The following CHN2 variants were observed in gnomAD, a reference collection of about 807,000 sequenced individuals.
CHN2 encodes beta-chimaerin.
A neutral mutation model predicts 56.3 loss-of-function variants in CHN2; 35 were observed. That is an observed-to-expected ratio of 0.62 (90% CI 0.47 to 0.82). The LOEUF (loss-of-function observed/expected upper bound fraction) is 0.82, where lower values mean the gene tolerates loss of function less well. Among genes scored for constraint, CHN2 ranks in the 40% least tolerant of loss-of-function variants. The pLI, the probability that CHN2 is intolerant of heterozygous loss-of-function variation, is 0.00. For synonymous variants in CHN2, 210 were observed against 212.8 expected (o/e 0.99, Z 0.12); for missense variants, 491 against 580.5 (o/e 0.85, Z 1.58).
chr7:29,493,421 TATC>T (rs1788877929), intron 7 of CHN2, among the ~76,000 whole-genome samples: 1 of 152,200 alleles, frequency 6.6e-6, no homozygotes, highest in African/African-American at 2.4e-5. Flanking sequence ...CAATTTTAAA[TATC>T]ATCTATTCAT....
In CHN2 at chr7:29,489,025, A is replaced by G. The variant is rs911252684; in HGVS notation, c.655-6927A>G. Among the ~76,000 whole-genome samples the G allele has an allele frequency of 5.3e-5, 8 of 152,204 alleles. No individual in the cohort carries two copies. The South Asian group carries it at 1.0e-3, about 20-fold the overall frequency. ...GGTGTCTACATTGACCCATCAAAAC[A>G]TATCTGGTATAAAACCACCAGAGAA... On this transcript the variant is annotated intron_variant, in intron 7 of 12. Transcript: ENST00000222792.
upstream of CHN2, chr7:29,194,593 A>C (rs1584683792): frequency 4.3e-6 from 1 of 232,046 alleles, no homozygotes; most frequent in African/African-American, 2.3e-5. Flanking sequence ...CCCTGGTCCC[A>C]GCCGCGCACA....
chr7:29,242,600 A>T (rs1424432197), intron 1 of CHN2, among the ~76,000 whole-genome samples: 1 of 151,954 alleles, frequency 6.6e-6, no homozygotes, highest in Non-Finnish European at 1.5e-5. Flanking sequence ...TACCATGCCA[A>T]TGCCAATTAT....
chr7:29,479,622 C>T (rs2128540447), intron 6 of CHN2: 2 of 990,610 alleles, frequency 2.0e-6, no homozygotes, highest in East Asian at 8.8e-5. Context: ...TCTGTTGGAG[C>T]TCAGCCCAGG....
intron 1 of CHN2, among the ~76,000 whole-genome samples, chr7:29,340,044 T>G (rs1033106163): frequency 1.3e-5 from 2 of 152,128 alleles, no homozygotes; most frequent in African/African-American, 4.8e-5. Context: ...CTTTACAATT[T>G]TTTTTCTTTC....
intron 1 of CHN2, among the ~76,000 whole-genome samples, chr7:29,230,433 C>T (rs917625511): frequency 3.9e-5 from 6 of 152,256 alleles, no homozygotes; most frequent in East Asian, 3.9e-4. Flanking sequence ...CTGTGCCTCC[C>T]GGGCTCAAGT....
At chr7:29,342,704 A>G (rs1450063412) in intron 1 of CHN2, among the ~76,000 whole-genome samples, 3 of 152,224 alleles carry the variant, frequency 2.0e-5, no homozygotes, top group Admixed American at 6.5e-5. Flanking sequence ...ATAAAAGAAT[A>G]ACTATTAAGA....
chr7:29,197,021 T>C (rs1403200899), intron 1 of CHN2, among the ~76,000 whole-genome samples: 1 of 152,174 alleles, frequency 6.6e-6, no homozygotes, highest in Non-Finnish European at 1.5e-5. Flanking sequence ...TCTTGAAAAA[T>C]ACAGCATTGT....
At chr7:29,304,785 C>G (rs3812334) in intron 1 of CHN2, among the ~76,000 whole-genome samples, 1 of 152,116 alleles carries the variant, frequency 6.6e-6, no homozygotes, top group African/African-American at 2.4e-5. Context: ...CCTCTTGCCC[C>G]AGGCCCAGAG....
At chr7:29,182,259 G>A (rs1798154536) in intron 2 of CHN2, among the ~76,000 whole-genome samples, 2 of 152,170 alleles carry the variant, frequency 1.3e-5, no homozygotes. Flanking sequence ...GGAGCGCAGA[G>A]GAAGGTTAGC....
At chr7:29,148,090 A>G (rs888474428) in intron 2 of CHN2, among the ~76,000 whole-genome samples, 1 of 152,208 alleles carries the variant, frequency 6.6e-6, no homozygotes, top group Non-Finnish European at 1.5e-5. Context: ...AGAGTCAGCA[A>G]TGTTCGCCCA....
chr7:29,161,079 C>G lies in CHN2; in HGVS notation c.274+14119C>G, dbSNP rs182629040. Among the ~76,000 whole-genome samples the G allele has an allele frequency of 4.6e-5, 7 of 152,266 alleles. No homozygotes were observed. The East Asian group carries it at 1.4e-3, about 29-fold the overall frequency. ...TGTATAATACCTAGAAGCTACCTGACTTCTTACCAGATATTATCTTAAACC... is the reference window on the plus strand; with the variant it reads ...TGTATAATACCTAGAAGCTACCTGAGTTCTTACCAGATATTATCTTAAACC... On this transcript the variant is annotated intron_variant, in intron 2 of 6. Transcript: ENST00000439384.
At chr7:29,223,442 T>C (rs1256359710) in intron 1 of CHN2, among the ~76,000 whole-genome samples, 1 of 152,160 alleles carries the variant, frequency 6.6e-6, no homozygotes, top group African/African-American at 2.4e-5. Flanking sequence ...CCCATATCAA[T>C]CACTATGCTG....
intron 1 of CHN2, among the ~76,000 whole-genome samples, chr7:29,319,805 G>C (rs1275666348): frequency 6.6e-6 from 1 of 152,108 alleles, no homozygotes; most frequent in Non-Finnish European, 1.5e-5. Context: ...CTGGGCATTT[G>C]TTTACTCTGG....
intron 1 of CHN2, among the ~76,000 whole-genome samples, chr7:29,201,742 T>G (rs903190728): frequency 6.6e-6 from 1 of 152,200 alleles, no homozygotes; most frequent in Non-Finnish European, 1.5e-5. Flanking sequence ...CAAAACATTT[T>G]TATCATTTTT....
chr7:29,287,305 A>G (rs757018801), intron 1 of CHN2, among the ~76,000 whole-genome samples: 2 of 152,190 alleles, frequency 1.3e-5, no homozygotes, highest in Non-Finnish European at 2.9e-5. Flanking sequence ...GGATGGCACT[A>G]ACACAGAGAA....
At chr7:29,225,609 T>G (rs1428710746) in intron 1 of CHN2, among the ~76,000 whole-genome samples, 1 of 152,212 alleles carries the variant, frequency 6.6e-6, no homozygotes, top group Non-Finnish European at 1.5e-5. Context: ...TAGTTTAGCA[T>G]CGCTCTTCGT....
chr7:29,442,524 A>G (rs2128124702), intron 6 of CHN2, among the ~76,000 whole-genome samples: 1 of 152,300 alleles, frequency 6.6e-6, no homozygotes, highest in Middle Eastern at 3.4e-3. Flanking sequence ...GACTGTATAA[A>G]TAACAACAGA....
chr7:29,367,012 T>G (rs1418188393), intron 2 of CHN2, among the ~76,000 whole-genome samples: 1 of 152,210 alleles, frequency 6.6e-6, no homozygotes, highest in African/African-American at 2.4e-5. Context: ...TTTTAACTTT[T>G]TGTAGATTTA....
Sources: gnomAD v4.1 joint callset for allele counts (sites outside exome capture counted in the v4.1 genomes callset) on GRCh38, gnomAD v4.1.1 for gene constraint, MANE v1.5 for transcripts, NCBI Gene and HGNC (gene_info 2026-07-23, HGNC 2026-07-21) for gene names.